Variants in FYCO1 observed in about 807,000 individuals in gnomAD.
FYCO1 encodes the protein FYVE and coiled-coil domain autophagy adaptor 1.
Under a neutral mutation model 165.1 loss-of-function variants are expected in FYCO1, and 122 were observed. The ratio of observed to expected loss-of-function variants is 0.74; its 90% confidence interval spans 0.64 to 0.86. FYCO1 has a LOEUF of 0.86. FYCO1 is among the 40% of genes least tolerant of loss of function. The pLI, the probability that FYCO1 is intolerant of heterozygous loss-of-function variation, is 0.00. For synonymous variants in FYCO1, 648 were observed against 742.5 expected (o/e 0.87, Z 2.07); for missense variants, 1,702 against 1,810.3 (o/e 0.94, Z 1.09).
intron 13 of FYCO1, among the ~76,000 whole-genome samples, chr3:45,956,461 C>A: frequency 1.3e-5 from 2 of 152,192 alleles, no homozygotes; most frequent in East Asian, 3.8e-4. Context: ...CAAGCCCATG[C>A]AAAGTTCCTG....
chr3:45,964,306 C>G lies in FYCO1; in HGVS notation c.3269+30G>C. 6.6e-7 allele frequency: 1 copy of G among 1,516,434 alleles called. No individual in the cohort carries two copies. Among genetic ancestry groups the G allele is most frequent in the Non-Finnish European group, 9.2e-7 (1 of 1,090,858 alleles). The allele number at this position is 1,516,434 out of a possible 1,614,324, so 93.9% of individuals were successfully genotyped here. A position where few individuals can be genotyped will look rare whatever the true frequency, so the allele number is the denominator to read the frequency against. On this transcript the variant is annotated intron_variant, in intron 10 of 17. Coordinates refer to ENST00000296137, the MANE Select transcript of FYCO1 (RefSeq NM_024513.4). The surrounding 1 kb of genome is among the most constrained non-coding windows in gnomAD (Gnocchi z 4.1). ...CAAACACTCCTTCCCTGAAGACTAC[C>G]GACAGCTACGTAGGTGGACTGTGAC...
chr3:45,933,549 T>C (rs1049503164), intron 15 of FYCO1, among the ~76,000 whole-genome samples: 9 of 152,190 alleles, frequency 5.9e-5, no homozygotes, highest in African/African-American at 2.2e-4. Context: ...AGTTTTATTA[T>C]AAATGATTTC....
chr3:45,922,437 G>A (rs1210387220), intron 17 of FYCO1, among the ~76,000 whole-genome samples: 1 of 152,188 alleles, frequency 6.6e-6, no homozygotes, highest in Admixed American at 6.5e-5. Context: ...AGTAGGAAAT[G>A]GAGACTCAAC....
In FYCO1 at chr3:45,962,492, C is replaced by A. The variant is rs1575364196; in HGVS notation, c.3270-100G>T. ...CTCTAATGAGGGGTGCTACTGCCCT[C>A]CGCCATGGGGGAGCCCCTTGGTATC... On this transcript the variant is annotated intron_variant, in intron 10 of 17. Transcript: ENST00000296137. This position sits in a 1 kb window ranked among gnomAD's most constrained non-coding sequence, Gnocchi z 4.4. The A allele has an allele frequency of 8.3e-6, 9 of 1,084,782 alleles. 1 individual carries two copies. In the East Asian group the frequency reaches 2.1e-4, roughly 25 times the overall value. 67.2% of individuals were successfully genotyped at this position (1,084,782 alleles called of 1,614,324 possible).
intron 17 of FYCO1, among the ~76,000 whole-genome samples, chr3:45,922,596 T>G (rs1001361102): frequency 6.6e-6 from 1 of 152,176 alleles, no homozygotes; most frequent in African/African-American, 2.4e-5. Context: ...CTGGCCATGA[T>G]AGGTCTATGC....
chr3:45,964,632 A>C lies in FYCO1; in HGVS notation c.3151-178T>G. 1 of 824,596 alleles carries C rather than the reference A, an allele frequency of 1.2e-6. No homozygotes were observed. The highest frequency in any genetic ancestry group is 1.2e-4 in the East Asian group (1 of 8,082). The allele number at this position is 824,596 out of a possible 1,614,324, so 51.1% of individuals were successfully genotyped here. A position where few individuals can be genotyped will look rare whatever the true frequency, so the allele number is the denominator to read the frequency against. ...TCTATATTTGTGGGGCCTCAACTGC[A>C]ACTAGTTGTGGTGGTTGGCAAGTGG... On this transcript the variant is annotated intron_variant, in intron 9 of 17. Coordinates refer to ENST00000296137, the MANE Select transcript of FYCO1 (RefSeq NM_024513.4). The surrounding 1 kb of genome is among the most constrained non-coding windows in gnomAD (Gnocchi z 4.1).
chr3:45,988,347 A>C (rs1464719735), intron 1 of FYCO1, among the ~76,000 whole-genome samples: 1 of 152,174 alleles, frequency 6.6e-6, no homozygotes, highest in Non-Finnish European at 1.5e-5. Context: ...CACTCTCCAA[A>C]CATGGCCAAC....
At chr3:45,931,823 T>G (rs1703649492) in intron 15 of FYCO1, among the ~76,000 whole-genome samples, 1 of 152,164 alleles carries the variant, frequency 6.6e-6, no homozygotes, top group Admixed American at 6.5e-5. Flanking sequence ...CCCTGACCTT[T>G]CCTCAAATGC....
chr3:45,929,402 C>A (rs1260679232), intron 16 of FYCO1, among the ~76,000 whole-genome samples: 2 of 152,230 alleles, frequency 1.3e-5, no homozygotes, highest in Admixed American at 1.3e-4. Context: ...CACAGCCCAG[C>A]CACATATGGG....
Position 45,964,523 on chromosome 3 carries a change from G to A in FYCO1, c.3151-69C>T. 1.2e-6 allele frequency: 2 copies of A among 1,603,824 alleles called. No homozygotes were observed. Among genetic ancestry groups the A allele is most frequent in the South Asian group, 1.1e-5 (1 of 89,664 alleles). On this transcript the variant is annotated intron_variant, in intron 9 of 17. Transcript: ENST00000296137. The surrounding 1 kb of genome is among the most constrained non-coding windows in gnomAD (Gnocchi z 4.1). ...CCATGCAACGTACCATAAAGTGGCT[G>A]GTGTGCCATCCACCCCATCTGGCTG...
intron 14 of FYCO1, among the ~76,000 whole-genome samples, chr3:45,939,576 T>C (rs181877526): frequency 6.6e-6 from 1 of 152,272 alleles, no homozygotes; most frequent in Admixed American, 6.5e-5. Context: ...GTTTAGAAAC[T>C]AGCTGAGGGA....
chr3:45,964,745 G>A lies in FYCO1; in HGVS notation c.3150+288C>T, dbSNP rs990891424. Among the ~76,000 whole-genome samples the A allele has an allele frequency of 1.3e-5, 2 of 152,174 alleles. No homozygotes were observed. The highest frequency in any genetic ancestry group is 4.8e-5 in the African/African-American group (2 of 41,442). ...AACAAGTCACTGCTCTGAAGACTGT[G>A]GATCCAGTGCCACCCCTGCTCCCAC... On this transcript the variant is annotated intron_variant, in intron 9 of 17. Transcript: ENST00000296137. The surrounding 1 kb of genome is among the most constrained non-coding windows in gnomAD (Gnocchi z 4.1).
At chr3:45,938,497 G>C (rs899731863) in intron 14 of FYCO1, among the ~76,000 whole-genome samples, 15 of 152,328 alleles carry the variant, frequency 9.8e-5, no homozygotes, top group Non-Finnish European at 1.3e-4. Context: ...GTTTTTTGTT[G>C]TTGTTGTTTG....
intron 3 of FYCO1, among the ~76,000 whole-genome samples, chr3:45,980,518 T>G (rs537263354): frequency 4.6e-5 from 7 of 152,144 alleles, no homozygotes; most frequent in Non-Finnish European, 8.8e-5. Context: ...AAATGTCAGC[T>G]CTGAGTCATT....
chr3:45,972,846 T>C (rs1420171367), intron 6 of FYCO1, among the ~76,000 whole-genome samples: 5 of 152,162 alleles, frequency 3.3e-5, no homozygotes, highest in Non-Finnish European at 7.3e-5. Context: ...AGCCTTGGCT[T>C]TTGCAATACA....
At chr3:45,978,865 T>G (rs1169054949) in intron 4 of FYCO1, among the ~76,000 whole-genome samples, 1 of 151,200 alleles carries the variant, frequency 6.6e-6, no homozygotes, top group Non-Finnish European at 1.5e-5. Flanking sequence ...GGAGTTTTTT[T>G]TTTTTTTTTG....
At chr3:45,924,460 G>T (rs1210137969) in intron 16 of FYCO1, among the ~76,000 whole-genome samples, 1 of 152,148 alleles carries the variant, frequency 6.6e-6, no homozygotes, top group Non-Finnish European at 1.5e-5. Context: ...AAGGGTGTGT[G>T]CTAGACAGGG....
rs7611099 is a variant in FYCO1, at chr3:45,952,236, T to C, written c.3944+3013A>G. ...CTTCCAAGTGGCCTAATATTCCTCATGAATTTGGACTTAGTGTTTAATCTC... is the reference window on the plus strand; with the variant it reads ...CTTCCAAGTGGCCTAATATTCCTCACGAATTTGGACTTAGTGTTTAATCTC... On this transcript the variant is annotated intron_variant, in intron 14 of 17. Coordinates refer to ENST00000296137, the MANE Select transcript of FYCO1 (RefSeq NM_024513.4). Among the ~76,000 whole-genome samples, 294 of 152,304 alleles carry C rather than the reference T, an allele frequency of 1.9e-3. 1 individual carries two copies. Among genetic ancestry groups the C allele is most frequent in the African/African-American group, 6.9e-3 (286 of 41,570 alleles).
At chr3:45,940,578 T>C (rs1247790566) in intron 14 of FYCO1, among the ~76,000 whole-genome samples, 2 of 152,096 alleles carry the variant, frequency 1.3e-5, no homozygotes, top group Non-Finnish European at 2.9e-5. Context: ...AGAAGAAACA[T>C]AAACCCTGGA....
Sources: gnomAD v4.1 joint callset for allele counts (sites outside exome capture counted in the v4.1 genomes callset) on GRCh38, gnomAD v4.1.1 for gene constraint, Gnocchi (gnomAD v3.1) non-coding constraint, MANE v1.5 for transcripts, NCBI Gene and HGNC (gene_info 2026-07-23, HGNC 2026-07-21) for gene names.